Variants in CDCA7L observed in about 807,000 individuals in gnomAD.
CDCA7L encodes the protein cell division cycle-associated 7-like protein.
CDCA7L carries 44 observed loss-of-function variants against 57.4 expected under a neutral mutation model. That is an observed-to-expected ratio of 0.77 (90% confidence interval 0.60 to 0.98). CDCA7L has a LOEUF of 0.98. CDCA7L is among the 50% of genes least tolerant of loss of function. The pLI, the probability that CDCA7L is intolerant of heterozygous loss-of-function variation, is 0.00. For missense variants in CDCA7L, 644 were observed against 580.6 expected (o/e 1.11, Z -1.12); for synonymous variants, 236 against 202.8 (o/e 1.16, Z -1.39).
intron 1 of CDCA7L, among the ~76,000 whole-genome samples, chr7:21,935,801 G>A (rs1445728770): frequency 6.6e-6 from 1 of 152,152 alleles, no homozygotes. Flanking sequence ...AAGGTCAGGA[G>A]TTCAAGACCA....
intron 7 of CDCA7L, among the ~76,000 whole-genome samples, chr7:21,904,655 C>T (rs551854034): frequency 1.3e-5 from 2 of 152,328 alleles, no homozygotes; most frequent in African/African-American, 4.8e-5. Flanking sequence ...TGAGGTGGAA[C>T]AGTTTCATCC....
At chr7:21,929,626 GAAAGCA>G (rs1785940832) in intron 1 of CDCA7L, among the ~76,000 whole-genome samples, 1 of 35,178 alleles carries the variant, frequency 2.8e-5, no homozygotes, top group African/African-American at 2.3e-4. Flanking sequence ...CCAGCAAATG[GAAAGCA>G]AAAAAAAAAA....
intron 3 of CDCA7L, among the ~76,000 whole-genome samples, chr7:21,909,194 T>C (rs1391678503): frequency 1.3e-5 from 2 of 152,204 alleles, no homozygotes; most frequent in Non-Finnish European, 2.9e-5. Context: ...CATTCAAACA[T>C]TGCTCTGTTT....
intron 1 of CDCA7L, among the ~76,000 whole-genome samples, chr7:21,927,613 C>A (rs773113202): frequency 3.3e-5 from 5 of 152,118 alleles, no homozygotes; most frequent in African/African-American, 7.2e-5. Flanking sequence ...TTATTTGATA[C>A]GACAGTGGAT....
intron 7 of CDCA7L, among the ~76,000 whole-genome samples, 154 bp from the exon 8 acceptor site, chr7:21,904,413 C>G (rs1209151379): frequency 6.6e-6 from 1 of 152,248 alleles, no homozygotes; most frequent in Non-Finnish European, 1.5e-5. Context: ...AGCATTGTCT[C>G]TAGACCGGGG....
chr7:21,914,025 G>A (rs1303334027), intron 2 of CDCA7L, among the ~76,000 whole-genome samples: 2 of 152,212 alleles, frequency 1.3e-5, no homozygotes, highest in Non-Finnish European at 2.9e-5. Context: ...TCAATACTGG[G>A]TGCTATGCTA....
intron 2 of CDCA7L, among the ~76,000 whole-genome samples, chr7:21,916,272 G>A (rs1785477852): frequency 6.6e-6 from 1 of 152,100 alleles, no homozygotes; most frequent in South Asian, 2.1e-4. Flanking sequence ...TCTAACTTGT[G>A]AGTGCTAGAG....
At chr7:21,907,267 T>C (rs1465893686) in intron 4 of CDCA7L, among the ~76,000 whole-genome samples, 1 of 152,214 alleles carries the variant, frequency 6.6e-6, no homozygotes, top group African/African-American at 2.4e-5. Flanking sequence ...TGCAGATGGA[T>C]ACAGTGCTGA....
chr7:21,926,812 G>T (rs575898488), intron 1 of CDCA7L, among the ~76,000 whole-genome samples: 2 of 152,218 alleles, frequency 1.3e-5, no homozygotes, highest in Non-Finnish European at 2.9e-5. Flanking sequence ...GTTTGAGGCT[G>T]CAGTGAGCTG....
intron 1 of CDCA7L, among the ~76,000 whole-genome samples, chr7:21,931,266 A>C (rs910361424): frequency 2.0e-5 from 3 of 152,230 alleles, no homozygotes; most frequent in East Asian, 1.9e-4. Flanking sequence ...AATCCTCCCT[A>C]ACTCATTTTA....
chr7:21,935,768 A>G (rs1387835865), intron 1 of CDCA7L, among the ~76,000 whole-genome samples: 1 of 152,132 alleles, frequency 6.6e-6, no homozygotes, highest in African/African-American at 2.4e-5. Flanking sequence ...CAACACTTTG[A>G]GAGGCAGAGG....
chr7:21,929,664 T>C (rs1416581421), intron 1 of CDCA7L, among the ~76,000 whole-genome samples: 1 of 128,670 alleles, frequency 7.8e-6, no homozygotes, highest in African/African-American at 3.2e-5. Flanking sequence ...AAAGCAGGGA[T>C]TGCAATCCTA....
chr7:21,916,510 T>A (rs1487313739), intron 2 of CDCA7L, among the ~76,000 whole-genome samples: 1 of 79,116 alleles, frequency 1.3e-5, no homozygotes, highest in East Asian at 3.5e-4. Flanking sequence ...GAGGTCCCTT[T>A]ATTTAAAAAA....
At chr7:21,923,326 CA>C (rs1354576969) in intron 1 of CDCA7L, among the ~76,000 whole-genome samples, 3 of 151,804 alleles carry the variant, frequency 2.0e-5, no homozygotes, top group East Asian at 1.9e-4. Flanking sequence ...CCGTCTCTAC[CA>C]AAAAAGATAC....
intron 1 of CDCA7L, among the ~76,000 whole-genome samples, chr7:21,943,751 ATC>A (rs1387912451): frequency 2.0e-5 from 3 of 152,138 alleles, no homozygotes; most frequent in African/African-American, 7.2e-5. Context: ...AACCCTGATC[ATC>A]TTACATATAG....
At chr7:21,916,977 T>A (rs1344015933) in intron 1 of CDCA7L, 83 bp from the exon 2 acceptor site, 1 of 1,496,530 alleles carries the variant, frequency 6.7e-7, no homozygotes, top group African/African-American at 1.4e-5. Context: ...GGAGGAGAGA[T>A]CTCATCACTT....
At chr7:21,936,136 G>A (rs1786155314) in intron 1 of CDCA7L, among the ~76,000 whole-genome samples, 1 of 152,048 alleles carries the variant, frequency 6.6e-6, no homozygotes. Context: ...ATTAAATTAT[G>A]AAGAAACAGA....
chr7:21,908,199 C>A lies in CDCA7L; in HGVS notation c.612G>T (p.Arg204=). ...CATCTGAACTCTCCTGGCTCTCATC[C>A]CGAGAGTCATCCTCAGACTCAGAGG... ...DSTSESEDDS[R]DESQESSDAL... is the part of the protein sequence containing the mutation. Residue 204 remains arginine, a synonymous_variant, in exon 4 of 10, where the codon CGG becomes CGT. Transcript: ENST00000406877. The A allele has an allele frequency of 6.2e-7, 1 of 1,609,818 alleles. No individual in the cohort carries two copies.
At chr7:21,935,679 G>A (rs1401191094) in intron 1 of CDCA7L, among the ~76,000 whole-genome samples, 2 of 152,042 alleles carry the variant, frequency 1.3e-5, no homozygotes. Flanking sequence ...ACTAACGTTA[G>A]TAATGAAATT....
Sources: gnomAD v4.1 joint callset for allele counts (sites outside exome capture counted in the v4.1 genomes callset) on GRCh38, gnomAD v4.1.1 for gene constraint, MANE v1.5 for transcripts, NCBI Gene and HGNC (gene_info 2026-07-23, HGNC 2026-07-21) for gene names.